ARHGAP24: variants seen among roughly 807,000 people sequenced by gnomAD.
ARHGAP24 encodes rho GTPase-activating protein 24.
Under a neutral mutation model 76.4 loss-of-function variants are expected in ARHGAP24, and 50 were observed. That is an observed-to-expected ratio of 0.65 (90% confidence interval 0.52 to 0.83). The LOEUF (loss-of-function observed/expected upper bound fraction) is 0.83, where lower values mean the gene tolerates loss of function less well. ARHGAP24 is among the 40% of genes least tolerant of loss of function. ARHGAP24 has a pLI of 0.00. For missense variants in ARHGAP24, 930 were observed against 914.2 expected (o/e 1.02, Z -0.22); for synonymous variants, 345 against 323.3 (o/e 1.07, Z -0.72).
intron 2 of ARHGAP24, among the ~76,000 whole-genome samples, chr4:85,680,058 G>A (rs1294229098): frequency 1.3e-5 from 2 of 152,118 alleles, no homozygotes; most frequent in Non-Finnish European, 2.9e-5. Context: ...GAGCCAAAAT[G>A]TAGCATGGTC....
At chr4:85,846,984 G>A (rs1730929803) in intron 3 of ARHGAP24, among the ~76,000 whole-genome samples, 1 of 152,160 alleles carries the variant, frequency 6.6e-6, no homozygotes, top group African/African-American at 2.4e-5. Context: ...TCTTCTGAGA[G>A]ATCTTGAGTG....
At chr4:85,829,728 GTGTAAC>G (rs1422471772) in intron 3 of ARHGAP24, among the ~76,000 whole-genome samples, 14 of 152,330 alleles carry the variant, frequency 9.2e-5, no homozygotes, top group African/African-American at 3.4e-4. Flanking sequence ...GGAAGGCCTT[GTGTAAC>G]TGTTTTATCA....
Position 85,709,563 on chromosome 4 carries a change from T to C in ARHGAP24, c.181-12322T>C, listed in dbSNP as rs558150994. Among the ~76,000 whole-genome samples, 10 of 152,264 alleles carry C rather than the reference T, an allele frequency of 6.6e-5. No homozygotes were observed. The East Asian group carries it at 1.5e-3, about 24-fold the overall frequency. ...ATATTAAAAGCATCCATTTTACTAC[T>C]AGGACTAAGTTAAGAATATTTACTA... On this transcript the variant is annotated intron_variant, in intron 2 of 9. Coordinates refer to ENST00000395184, the MANE Select transcript of ARHGAP24 (RefSeq NM_001025616.3).
intron 3 of ARHGAP24, among the ~76,000 whole-genome samples, chr4:85,785,154 T>C (rs957908284): frequency 4.6e-5 from 7 of 152,136 alleles, no homozygotes; most frequent in African/African-American, 1.7e-4. Context: ...AGTTTCAGGG[T>C]GTCAATAATG....
intron 2 of ARHGAP24, among the ~76,000 whole-genome samples, chr4:85,682,332 C>G (rs1723235664): frequency 6.6e-6 from 1 of 152,178 alleles, no homozygotes; most frequent in Non-Finnish European, 1.5e-5. Flanking sequence ...TGCTCTATTA[C>G]CAGAAAACAA....
chr4:85,936,775 C>T lies in ARHGAP24; in HGVS notation c.392-5291C>T, dbSNP rs575290372. ...ACTTCACAGAAGATGTATGAGTTGA[C>T]TCTTACAGGATAAGGTTTCCTACAC... On this transcript the variant is annotated intron_variant, in intron 4 of 9. Coordinates refer to ENST00000395184, the MANE Select transcript of ARHGAP24 (RefSeq NM_001025616.3). Among the ~76,000 whole-genome samples, 443 of 152,248 alleles carry T rather than the reference C, an allele frequency of 2.9e-3. 3 individuals carry two copies. The highest frequency in any genetic ancestry group is 5.5e-3 in the Non-Finnish European group (375 of 68,030).
chr4:85,989,947 G>A (rs1363468436), intron 8 of ARHGAP24: 2 of 151,746 alleles, frequency 1.3e-5, no homozygotes, highest in East Asian at 3.9e-4. Context: ...CATTGTACTG[G>A]AAATCCTAGC....
chr4:85,981,116 C>A (rs1560763114), intron 8 of ARHGAP24, among the ~76,000 whole-genome samples: 1 of 152,152 alleles, frequency 6.6e-6, no homozygotes. Flanking sequence ...AAAAGTAACA[C>A]AATGATTGGC....
At chr4:85,755,771 T>G (rs2110069656) in intron 3 of ARHGAP24, among the ~76,000 whole-genome samples, 1 of 151,804 alleles carries the variant, frequency 6.6e-6, no homozygotes, top group East Asian at 1.9e-4. Context: ...TAGCTGGGAT[T>G]ACAGGCGCCC....
At chr4:85,536,868 A>G (rs373402668) in intron 1 of ARHGAP24, among the ~76,000 whole-genome samples, 4 of 152,260 alleles carry the variant, frequency 2.6e-5, no homozygotes, top group African/African-American at 9.6e-5. Flanking sequence ...TAGCAATAAA[A>G]GCATATCAAC....
chr4:85,575,190 T>C (rs1578048298), intron 2 of ARHGAP24, among the ~76,000 whole-genome samples: 1 of 152,330 alleles, frequency 6.6e-6, no homozygotes, highest in East Asian at 1.9e-4. Flanking sequence ...CAGAATCCAT[T>C]GTCTACAAGT....
At chr4:85,966,600 G>A (rs1042663565) in intron 5 of ARHGAP24, among the ~76,000 whole-genome samples, 1 of 152,150 alleles carries the variant, frequency 6.6e-6, no homozygotes, top group Non-Finnish European at 1.5e-5. Context: ...TTAGTCTGGA[G>A]CTGCTTAGTG....
intron 5 of ARHGAP24, among the ~76,000 whole-genome samples, chr4:85,967,872 G>A (rs1159346989): frequency 6.6e-6 from 1 of 151,964 alleles, no homozygotes; most frequent in Admixed American, 6.6e-5. Flanking sequence ...CAGCAGTTTG[G>A]GCCAAAATGG....
At chr4:85,712,564 G>A (rs1326644633) in intron 2 of ARHGAP24, among the ~76,000 whole-genome samples, 1 of 152,134 alleles carries the variant, frequency 6.6e-6, no homozygotes, top group East Asian at 1.9e-4. Flanking sequence ...GTCTTCTGAG[G>A]GTTTGGGGGG....
intron 2 of ARHGAP24, among the ~76,000 whole-genome samples, chr4:85,661,875 C>T (rs1344049321): frequency 6.6e-6 from 1 of 152,126 alleles, no homozygotes; most frequent in Admixed American, 6.5e-5. Flanking sequence ...GCATAGAATT[C>T]CATGGTGTAT....
At chr4:85,950,009 C>T (rs1014650217) in intron 5 of ARHGAP24, among the ~76,000 whole-genome samples, 3 of 152,080 alleles carry the variant, frequency 2.0e-5, no homozygotes, top group Non-Finnish European at 4.4e-5. Flanking sequence ...TGCTAATATG[C>T]TAGTGAGTAA....
At chr4:85,743,392 C>CA (rs774717006) in intron 3 of ARHGAP24, among the ~76,000 whole-genome samples, 4 of 43,380 alleles carry the variant, frequency 9.2e-5, no homozygotes, top group Non-Finnish European at 1.2e-4. Context: ...GATCCCATCT[C>CA]AAAAAAAAAA....
chr4:85,640,820 G>A (rs1322947238), intron 2 of ARHGAP24, among the ~76,000 whole-genome samples: 1 of 151,914 alleles, frequency 6.6e-6, no homozygotes, highest in African/African-American at 2.4e-5. Context: ...TGATTATTTG[G>A]CACAAACAAA....
chr4:85,934,902 C>T (rs1216321653), intron 4 of ARHGAP24, among the ~76,000 whole-genome samples: 1 of 152,210 alleles, frequency 6.6e-6, no homozygotes, highest in Non-Finnish European at 1.5e-5. Context: ...TTGTAGTATA[C>T]ACACATGCAC....
Sources: gnomAD v4.1 joint callset for allele counts (sites outside exome capture counted in the v4.1 genomes callset) on GRCh38, gnomAD v4.1.1 for gene constraint, MANE v1.5 for transcripts, NCBI Gene and HGNC (gene_info 2026-07-23, HGNC 2026-07-21) for gene names.